The following PUS7 variants were observed in gnomAD, a reference collection of about 807,000 sequenced individuals.
PUS7 encodes pseudouridine synthase 7, also known as pseudouridylate synthase 7 homolog.
Under a neutral mutation model 79.8 loss-of-function variants are expected in PUS7, and 48 were observed. That is an observed-to-expected ratio of 0.60 (90% CI 0.48 to 0.76). The LOEUF (loss-of-function observed/expected upper bound fraction) is 0.76, where lower values mean the gene tolerates loss of function less well. PUS7 is among the 30% of genes least tolerant of loss of function. PUS7 has a pLI of 0.00. For synonymous variants in PUS7, 286 were observed against 272.2 expected (o/e 1.05, Z -0.50); for missense variants, 729 against 797.6 (o/e 0.91, Z 1.04).
At position 105,481,123 on chromosome 7, in the gene PUS7, C is replaced by A; in HGVS notation, c.1104G>T (p.Glu368Asp). The A allele has an allele frequency of 6.2e-7, 1 of 1,612,666 alleles. No individual in the cohort carries two copies. Reference sequence around the variant, plus strand: ...TTCCATAGTAGTTAATAAATCCAATCTCCTTGAGAGAGTTCATAGCTTGCT... The same window carrying A: ...TTCCATAGTAGTTAATAAATCCAATATCCTTGAGAGAGTTCATAGCTTGCT... ...QVQQAMNSLK[E>D]IGFINYYGMQ... is the part of the protein sequence containing the mutation. The change falls in exon 9 of 16, where the codon GAG becomes GAT. Residue 368 changes from glutamate to aspartate, a missense_variant. Coordinates refer to ENST00000469408, the MANE Select transcript of PUS7 (RefSeq NM_019042.5).
intron 5 of PUS7, among the ~76,000 whole-genome samples, chr7:105,495,935 G>T (rs560836979): frequency 2.0e-4 from 30 of 151,802 alleles, no homozygotes; most frequent in Non-Finnish European, 4.4e-4. Flanking sequence ...TGAGATGGGC[G>T]GATCACCTGA....
At chr7:105,513,633 C>T (rs1260637003) in intron 1 of PUS7, among the ~76,000 whole-genome samples, 1 of 150,268 alleles carries the variant, frequency 6.7e-6, no homozygotes, top group Non-Finnish European at 1.5e-5. Flanking sequence ...GTCAGGAGAT[C>T]GAGACCAACC....
intron 11 of PUS7, among the ~76,000 whole-genome samples, chr7:105,468,676 C>T (rs980936092): frequency 1.3e-5 from 2 of 151,904 alleles, no homozygotes; most frequent in Non-Finnish European, 2.9e-5. Context: ...CACCACCACA[C>T]CTGTCTAATT....
At position 105,508,475 on chromosome 7, in the gene PUS7, C is replaced by A. The variant is rs764804002; in HGVS notation, c.38G>T (p.Arg13Leu). The part of the protein sequence containing the change: ...MTEMTGVSLK[R>L]GALVVEDNDS... ...ATTATCTTCGACAACCAGTGCCCCACGTTTCAGCGACACACCAGTCATTTC... is the reference window on the plus strand; with the variant it reads ...ATTATCTTCGACAACCAGTGCCCCAAGTTTCAGCGACACACCAGTCATTTC... The change falls in exon 2 of 16, where the codon CGT (arginine) becomes CTT (leucine). Residue 13 changes from arginine to leucine, a missense_variant. Coordinates refer to ENST00000469408, the MANE Select transcript of PUS7 (RefSeq NM_019042.5). 6.2e-7 allele frequency: 1 copy of A among 1,614,002 alleles called. No homozygotes were observed. The highest frequency in any genetic ancestry group is 1.7e-5 in the Admixed American group (1 of 59,958).
Position 105,477,341 on chromosome 7 carries a change from G to T in PUS7, c.1175+3711C>A, listed in dbSNP as rs73415580. Among the ~76,000 whole-genome samples, 3 of 151,850 alleles carry T rather than the reference G, an allele frequency of 2.0e-5. No homozygotes were observed. The East Asian group carries it at 5.8e-4, about 29-fold the overall frequency. ...TGGGTCACTTCAACCTCTGCCTCCC[G>T]GGCTAAAGCAATTCTCCTGCCTCAG... On this transcript the variant is annotated intron_variant, in intron 9 of 15. Transcript: ENST00000469408.
chr7:105,473,826 T>A (rs1233504693), intron 9 of PUS7, among the ~76,000 whole-genome samples: 6 of 152,202 alleles, frequency 3.9e-5, no homozygotes, highest in Non-Finnish European at 8.8e-5. Context: ...AGTGCAGGGA[T>A]TATAGGCATG....
intron 3 of PUS7, 64 bp from the exon 4 acceptor site, chr7:105,506,120 A>G (rs771460093): frequency 5.3e-5 from 83 of 1,556,904 alleles, no homozygotes; most frequent in Non-Finnish European, 6.7e-5. Context: ...ATAAAGCTCT[A>G]TATTTCTAAA....
Position 105,482,444 on chromosome 7 carries a change from T to TAAA in PUS7, c.921-7_921-5dup. On this transcript the variant is annotated splice_region_variant and splice_polypyrimidine_tract_variant and intron_variant, in intron 7 of 15. Coordinates refer to ENST00000469408, the MANE Select transcript of PUS7 (RefSeq NM_019042.5). ...GGCAAGTCTTTGTGCAGTTATTCTT[T>TAAA]AAAAAAAAAAAAAAAAGCAACAAAA... The TAAA allele has an allele frequency of 9.7e-6, 14 of 1,444,292 alleles. No homozygotes were observed. Among genetic ancestry groups the TAAA allele is most frequent in the Admixed American group, 2.2e-5 (1 of 46,136 alleles). The allele number at this position is 1,444,292 out of a possible 1,614,324, so 89.5% of individuals were successfully genotyped here.
rs189223367 is a variant in PUS7, at chr7:105,460,097, C to T, written c.1758-838G>A. Among the ~76,000 whole-genome samples the T allele has an allele frequency of 2.8e-3, 424 of 152,184 alleles. 13 individuals are homozygous for T. In the East Asian group the frequency reaches 0.063, roughly 23 times the overall value. ...GGGACTACAGGCGCCCGCCACCATG[C>T]CCGGCTAATTTTTTGTATTTTTAGT... is the stretch of plus-strand genomic sequence containing the variant. On this transcript the variant is annotated intron_variant, in intron 14 of 15. Coordinates refer to ENST00000469408, the MANE Select transcript of PUS7 (RefSeq NM_019042.5).
At chr7:105,514,796 A>ATT (rs1461495782) in intron 1 of PUS7, among the ~76,000 whole-genome samples, 6 of 145,654 alleles carry the variant, frequency 4.1e-5, no homozygotes, top group Non-Finnish European at 4.5e-5. Flanking sequence ...ATTCTCTCTC[A>ATT]TTTTTTTTTT....
chr7:105,507,035 AATTTT>A (rs1351730997), intron 2 of PUS7, among the ~76,000 whole-genome samples: 1 of 151,982 alleles, frequency 6.6e-6, no homozygotes, highest in Non-Finnish European at 1.5e-5. Context: ...TCCATTTAAA[AATTTT>A]ATTTTATTAC....
intron 5 of PUS7, among the ~76,000 whole-genome samples, chr7:105,499,423 A>C (rs1276103718): frequency 2.0e-5 from 3 of 152,184 alleles, no homozygotes; most frequent in African/African-American, 4.8e-5. Flanking sequence ...ACCTGTACCT[A>C]TCACATGGCA....
chr7:105,517,166 C>CTTTTTTTTTTTTTTTTTTTTTTT (rs1289590315), intron 1 of PUS7, among the ~76,000 whole-genome samples: 6 of 146,618 alleles, frequency 4.1e-5, no homozygotes, highest in Non-Finnish European at 7.6e-5. Flanking sequence ...CTTCACATTT[C>CTTTTTTTTTTTTTTTTTTTTTTT]TTTTTTTGGC....
intron 5 of PUS7, among the ~76,000 whole-genome samples, chr7:105,496,222 T>TAGAGAGAGAGAGAG (rs1203551594): frequency 8.2e-5 from 7 of 85,042 alleles, no homozygotes; most frequent in East Asian, 3.7e-4. Context: ...TATATATATA[T>TAGAGAGAGAGAGAG]ATATAGAGAG....
intron 7 of PUS7, among the ~76,000 whole-genome samples, chr7:105,483,749 G>A (rs1397108717): frequency 6.6e-6 from 1 of 152,184 alleles, no homozygotes; most frequent in African/African-American, 2.4e-5. Flanking sequence ...ACCCACCTCA[G>A]CTTCCCAAAG....
At chr7:105,473,174 A>T in intron 9 of PUS7, among the ~76,000 whole-genome samples, 1 of 151,524 alleles carries the variant, frequency 6.6e-6, no homozygotes, top group South Asian at 2.1e-4. Context: ...AAATAGAATA[A>T]ATACGATTTA....
intron 9 of PUS7, 70 bp downstream of exon 9, chr7:105,480,982 A>C (rs1586123240): frequency 2.0e-6 from 3 of 1,502,794 alleles, no homozygotes; most frequent in African/African-American, 1.4e-5. Flanking sequence ...ATAATTAAAA[A>C]CACCACCACC....
intron 6 of PUS7, among the ~76,000 whole-genome samples, chr7:105,494,797 G>A (rs894760079): frequency 4.6e-5 from 7 of 151,816 alleles, no homozygotes; most frequent in Non-Finnish European, 1.0e-4. Context: ...GGGCAATATA[G>A]TGAGACTCTG....
At chr7:105,505,254 T>TAG in intron 4 of PUS7, among the ~76,000 whole-genome samples, 1 of 152,212 alleles carries the variant, frequency 6.6e-6, no homozygotes, top group South Asian at 2.1e-4. Context: ...CCGCCCACCT[T>TAG]GGCCTCCCAA....
Sources: allele counts gnomAD v4.1 joint callset (sites outside exome capture counted in the v4.1 genomes callset), GRCh38; gene constraint gnomAD v4.1.1; transcripts MANE v1.5; gene names NCBI Gene and HGNC (gene_info 2026-07-23, HGNC 2026-07-21).